The following PCGF3 variants were observed in gnomAD, a reference collection of about 807,000 sequenced individuals.
PCGF3 encodes the protein polycomb group ring finger 3, also known as polycomb group RING finger protein 3.
PCGF3 carries 7 observed loss-of-function variants against 33.1 expected under a neutral mutation model. That is an observed-to-expected ratio of 0.21 (90% CI 0.12 to 0.40). The LOEUF (loss-of-function observed/expected upper bound fraction) is 0.40, where lower values mean the gene tolerates loss of function less well. PCGF3 is among the 10% of genes least tolerant of loss of function. The pLI is 1.00. For synonymous variants in PCGF3, 153 were observed against 121.3 expected (o/e 1.26, Z -1.72); for missense variants, 211 against 313.3 (o/e 0.67, Z 2.46).
intron 1 of PCGF3, among the ~76,000 whole-genome samples, chr4:726,349 G>A (rs1177080813): frequency 2.0e-5 from 3 of 152,194 alleles, no homozygotes; most frequent in Non-Finnish European, 2.9e-5. Flanking sequence ...TCCCTCCAAC[G>A]AGCAGCGCTG....
At chr4:739,945 G>A (rs78900947) in intron 6 of PCGF3, among the ~76,000 whole-genome samples, 7,931 of 152,244 alleles carry the variant, frequency 0.052, 223 homozygotes, top group East Asian at 0.093. Context: ...CATATTTTCC[G>A]TTGAGTCAAT....
chr4:728,369 G>A (rs1263722871), intron 1 of PCGF3, among the ~76,000 whole-genome samples: 3 of 151,690 alleles, frequency 2.0e-5, no homozygotes, highest in East Asian at 1.9e-4. Context: ...GGGGGGTGGC[G>A]TGCACAGCGT....
chr4:718,248 G>A (rs562353223), intron 1 of PCGF3, among the ~76,000 whole-genome samples: 104 of 152,154 alleles, frequency 6.8e-4, no homozygotes, highest in Non-Finnish European at 1.2e-3. Context: ...ACGTGGAGTC[G>A]GGGGGTCTGT....
chr4:735,703 C>T (rs150730309), intron 5 of PCGF3, among the ~76,000 whole-genome samples: 2 of 152,378 alleles, frequency 1.3e-5, no homozygotes, highest in Non-Finnish European at 2.9e-5. Context: ...GCAGATGGTC[C>T]TGGGGCCCTG....
chr4:757,897 G>A (rs574009285), intron 8 of PCGF3, among the ~76,000 whole-genome samples: 132 of 152,130 alleles, frequency 8.7e-4, no homozygotes, highest in African/African-American at 2.7e-3. Context: ...GGCCCGGCGC[G>A]GTGGCTCACG....
At chr4:727,659 T>C (rs1743387136) in intron 1 of PCGF3, among the ~76,000 whole-genome samples, 3 of 152,194 alleles carry the variant, frequency 2.0e-5, no homozygotes, top group Admixed American at 2.0e-4. Flanking sequence ...TGTATCTTTT[T>C]CCCATAGGCA....
chr4:728,755 C>T (rs1370897247), intron 1 of PCGF3, among the ~76,000 whole-genome samples: 3 of 152,144 alleles, frequency 2.0e-5, no homozygotes, highest in African/African-American at 4.8e-5. Context: ...CTGTACCAGC[C>T]AACACAGGAG....
At chr4:739,003 G>A (rs1743968826) in intron 6 of PCGF3, among the ~76,000 whole-genome samples, 1 of 152,192 alleles carries the variant, frequency 6.6e-6, no homozygotes, top group African/African-American at 2.4e-5. Context: ...TGCACCTGCT[G>A]CTCCCTCAGC....
At chr4:712,979 G>A (rs1014434116) in intron 1 of PCGF3, among the ~76,000 whole-genome samples, 6 of 151,238 alleles carry the variant, frequency 4.0e-5, no homozygotes, top group African/African-American at 1.2e-4. Flanking sequence ...TGTGAGCCTC[G>A]TGGGAGCTGT....
Position 719,734 on chromosome 4 carries a change from G to A in PCGF3, c.-189-10896G>A, listed in dbSNP as rs145880369. Reference sequence around the variant, plus strand: ...GGGTGTTTGGGGTCAGGCCAGCTGTGGAAAGGCCACAGGTGAACCAGGTGC... The same window carrying A: ...GGGTGTTTGGGGTCAGGCCAGCTGTAGAAAGGCCACAGGTGAACCAGGTGC... On this transcript the variant is annotated intron_variant, in intron 1 of 10. Coordinates refer to ENST00000362003, the Ensembl canonical transcript of PCGF3. 4.9e-3 allele frequency among the ~76,000 whole-genome samples: 746 copies of A among 152,342 alleles called. 9 individuals carry two copies. Among genetic ancestry groups the A allele is most frequent in the African/African-American group, 0.017 (693 of 41,584 alleles).
chr4:748,785 G>A (rs1478673767), intron 8 of PCGF3, among the ~76,000 whole-genome samples: 3 of 152,164 alleles, frequency 2.0e-5, no homozygotes, highest in Admixed American at 6.5e-5. Context: ...TTCTGTCTCT[G>A]GTGTTGGTCT....
chr4:755,162 G>T (rs891931031), intron 8 of PCGF3, among the ~76,000 whole-genome samples: 1 of 152,232 alleles, frequency 6.6e-6, no homozygotes, highest in Admixed American at 6.5e-5. Flanking sequence ...TGTGTGCGTG[G>T]CACGTGTTGT....
intron 9 of PCGF3, among the ~76,000 whole-genome samples, chr4:763,090 T>C (rs1745156251): frequency 6.6e-6 from 1 of 151,240 alleles, no homozygotes; most frequent in African/African-American, 2.4e-5. Flanking sequence ...TTGGGGAGAC[T>C]CACTGAGCAC....
intron 8 of PCGF3, among the ~76,000 whole-genome samples, chr4:751,060 C>G (rs931681866): frequency 6.6e-6 from 1 of 151,972 alleles, no homozygotes; most frequent in African/African-American, 2.4e-5. Context: ...CATTTTTTCC[C>G]CTCTCCATGA....
intron 6 of PCGF3, among the ~76,000 whole-genome samples, chr4:740,085 T>C (rs1744020741): frequency 6.6e-6 from 1 of 152,284 alleles, no homozygotes; most frequent in Non-Finnish European, 1.5e-5. Context: ...TTTAGTTTTA[T>C]CTGTGGTGCA....
exon 11 of PCGF3, chr4:767,264 C>T (rs1202379615): frequency 6.6e-6 from 1 of 152,252 alleles, no homozygotes; most frequent in Non-Finnish European, 1.5e-5. Flanking sequence ...CCCCTCTCCT[C>T]CCGGATGGTC....
intron 9 of PCGF3, chr4:761,887 TGCAGGCGCCA>T: frequency 1.0e-6 from 1 of 985,418 alleles, no homozygotes. Context: ...ACCATGGGGA[TGCAGGCGCCA>T]GCAGGGTCCA....
chr4:707,598 C>T, intron 1 of PCGF3, among the ~76,000 whole-genome samples: 1 of 107,700 alleles, frequency 9.3e-6, no homozygotes, highest in Non-Finnish European at 2.1e-5. Flanking sequence ...GGGGTCGGGA[C>T]TCTGGGACAG....
intron 1 of PCGF3, among the ~76,000 whole-genome samples, chr4:726,542 G>T (rs1743340701): frequency 6.6e-6 from 1 of 152,164 alleles, no homozygotes; most frequent in Admixed American, 6.5e-5. Context: ...GCTTATCTTT[G>T]ACTTTGTCAT....
Sources: gnomAD v4.1 joint callset for allele counts (sites outside exome capture counted in the v4.1 genomes callset) on GRCh38, gnomAD v4.1.1 for gene constraint, MANE v1.5 for transcripts, NCBI Gene and HGNC (gene_info 2026-07-23, HGNC 2026-07-21) for gene names.